The following SCAPER variants were observed in gnomAD, a reference collection of about 807,000 sequenced individuals.
SCAPER encodes S phase cyclin A-associated protein in the endoplasmic reticulum.
In SCAPER, 98 loss-of-function variants were observed where a neutral mutation model predicts 182.2. The ratio of observed to expected loss-of-function variants is 0.54; its 90% CI spans 0.46 to 0.64. The LOEUF is 0.64. Among genes scored for constraint, SCAPER ranks in the 30% least tolerant of loss-of-function variants. The pLI, the probability that SCAPER is intolerant of heterozygous loss-of-function variation, is 0.00. For synonymous variants in SCAPER, 605 were observed against 564.6 expected (o/e 1.07, Z -1.01); for missense variants, 1,432 against 1,690.0 (o/e 0.85, Z 2.68).
At chr15:76,465,853 A>G (rs1488173253) in intron 25 of SCAPER, among the ~76,000 whole-genome samples, 2 of 152,002 alleles carry the variant, frequency 1.3e-5, no homozygotes, top group East Asian at 1.9e-4. Flanking sequence ...ATTCCTGGCA[A>G]TCTTGTCAAA....
chr15:76,363,021 A>C (rs1394380106), intron 29 of SCAPER, among the ~76,000 whole-genome samples: 1 of 152,170 alleles, frequency 6.6e-6, no homozygotes, highest in African/African-American at 2.4e-5. Flanking sequence ...CTAAACACTT[A>C]TGTCACTGGG....
intron 29 of SCAPER, among the ~76,000 whole-genome samples, chr15:76,368,375 T>C (rs995937550): frequency 1.3e-5 from 2 of 152,256 alleles, no homozygotes; most frequent in African/African-American, 4.8e-5. Context: ...CCACTCCTTA[T>C]TTCTGTGCGT....
intron 20 of SCAPER, among the ~76,000 whole-genome samples, chr15:76,681,926 A>G (rs1158224826): frequency 6.6e-6 from 1 of 152,130 alleles, no homozygotes; most frequent in Admixed American, 6.5e-5. Flanking sequence ...CCTTAGAGTG[A>G]TTGTCAGACC....
intron 27 of SCAPER, among the ~76,000 whole-genome samples, chr15:76,384,038 C>T (rs2043138585): frequency 6.6e-6 from 1 of 152,030 alleles, no homozygotes; most frequent in African/African-American, 2.4e-5. Flanking sequence ...CCATTAAAGC[C>T]AAAAGAGTTA....
chr15:76,695,123 T>A lies in SCAPER; in HGVS notation c.2508+6635A>T, dbSNP rs562687161. On this transcript the variant is annotated intron_variant, in intron 20 of 31. Transcript: ENST00000563290. ...AAACAAAGTCTTAATTTCATTCAGC[T>A]TAAAATGCCAAGTTACTAAATTAGC... 2.5e-3 allele frequency among the ~76,000 whole-genome samples: 382 copies of A among 152,320 alleles called. 2 individuals are homozygous for A. The highest frequency in any genetic ancestry group is 4.3e-3 in the South Asian group (21 of 4,830).
intron 15 of SCAPER, among the ~76,000 whole-genome samples, chr15:76,743,044 A>G (rs2061628126): frequency 6.6e-6 from 1 of 152,114 alleles, no homozygotes; most frequent in African/African-American, 2.4e-5. Context: ...ACAATAATTG[A>G]CATGTAGGTA....
chr15:76,481,805 T>C (rs1165467712), intron 24 of SCAPER, among the ~76,000 whole-genome samples: 1 of 152,264 alleles, frequency 6.6e-6, no homozygotes. Flanking sequence ...TAGTCTTACC[T>C]ACTTTTAACA....
intron 21 of SCAPER, among the ~76,000 whole-genome samples, chr15:76,645,875 T>A (rs1366274571): frequency 6.6e-6 from 1 of 152,164 alleles, no homozygotes; most frequent in South Asian, 2.1e-4. Context: ...TATTTAAAAA[T>A]TAGATTTAAC....
intron 14 of SCAPER, among the ~76,000 whole-genome samples, chr15:76,763,256 GTTTT>G (rs1286752944): frequency 2.3e-5 from 3 of 130,130 alleles, no homozygotes; most frequent in Non-Finnish European, 4.7e-5. Context: ...GCAGGGTTTT[GTTTT>G]TTTCTTTCAG....
chr15:76,890,290 T>C, intron 1 of SCAPER, among the ~76,000 whole-genome samples: 1 of 152,046 alleles, frequency 6.6e-6, no homozygotes, highest in South Asian at 2.1e-4. Context: ...ATTCAAAAGC[T>C]AGCAGAAGGC....
chr15:76,609,132 G>C, intron 22 of SCAPER, among the ~76,000 whole-genome samples: 1 of 152,286 alleles, frequency 6.6e-6, no homozygotes, highest in Admixed American at 6.5e-5. Flanking sequence ...GGTAGCTGTA[G>C]ACTGGAGCTG....
intron 23 of SCAPER, among the ~76,000 whole-genome samples, chr15:76,520,990 A>C (rs2042792711): frequency 6.6e-6 from 1 of 152,224 alleles, no homozygotes; most frequent in Admixed American, 6.5e-5. Flanking sequence ...TAATGAACTA[A>C]AAACTTTTAG....
At chr15:76,623,362 A>C (rs2052275173) in intron 21 of SCAPER, among the ~76,000 whole-genome samples, 1 of 152,146 alleles carries the variant, frequency 6.6e-6, no homozygotes. Context: ...TTCTTCTAGG[A>C]ATTTTATAGT....
At chr15:76,722,937 G>C (rs2060350278) in intron 17 of SCAPER, among the ~76,000 whole-genome samples, 2 of 151,868 alleles carry the variant, frequency 1.3e-5, no homozygotes. Flanking sequence ...CTTCAGTTCT[G>C]CTCTGATCTT....
chr15:76,480,474 G>A (rs550541350), intron 24 of SCAPER, among the ~76,000 whole-genome samples: 1 of 152,288 alleles, frequency 6.6e-6, no homozygotes, highest in South Asian at 2.1e-4. Flanking sequence ...CTGAAAGCAC[G>A]TACCAATTCT....
At position 76,890,784 on chromosome 15, in the gene SCAPER, T is replaced by C. The variant is rs549218607; in HGVS notation, c.-59-6908A>G. Among the ~76,000 whole-genome samples the C allele has an allele frequency of 7.2e-5, 11 of 152,214 alleles. No individual in the cohort carries two copies. The South Asian group carries it at 1.9e-3, about 26-fold the overall frequency. On this transcript the variant is annotated intron_variant, in intron 1 of 31. Coordinates refer to ENST00000563290, the MANE Select transcript of SCAPER (RefSeq NM_020843.4). ...TTCCTTCTGAAACTATTCCGATCAA[T>C]AGAAGAAGAGGGAATCCTCCCTAAC...
chr15:76,442,863 G>A (rs978754083), intron 25 of SCAPER, among the ~76,000 whole-genome samples: 2 of 152,050 alleles, frequency 1.3e-5, no homozygotes, highest in Admixed American at 6.5e-5. Flanking sequence ...CCTCTTTTAA[G>A]TCTCAGATTC....
At chr15:76,568,169 C>A (rs890975436) in intron 23 of SCAPER, among the ~76,000 whole-genome samples, 20 of 145,196 alleles carry the variant, frequency 1.4e-4, no homozygotes, top group African/African-American at 5.4e-4. Flanking sequence ...TAGACAAGTA[C>A]CTCACATGTC....
At chr15:76,658,198 TA>T (rs1002449068) in intron 21 of SCAPER, among the ~76,000 whole-genome samples, 2 of 152,070 alleles carry the variant, frequency 1.3e-5, no homozygotes. Flanking sequence ...CTAGATCTGA[TA>T]AAAAACTTCA....
Sources: allele counts gnomAD v4.1 joint callset (sites outside exome capture counted in the v4.1 genomes callset), GRCh38; gene constraint gnomAD v4.1.1; transcripts MANE v1.5; gene names NCBI Gene and HGNC (gene_info 2026-07-23, HGNC 2026-07-21).